The following CRYBG1 variants were observed in gnomAD, a reference collection of about 807,000 sequenced individuals.
The protein encoded by CRYBG1 is beta/gamma crystallin domain-containing protein 1.
CRYBG1 carries 139 observed loss-of-function variants against 189.2 expected under a neutral mutation model. That is an observed-to-expected ratio of 0.73 (90% CI 0.64 to 0.85). The LOEUF is 0.85. Among genes scored for constraint, CRYBG1 ranks in the 40% least tolerant of loss-of-function variants. The pLI, the probability that CRYBG1 is intolerant of heterozygous loss-of-function variation, is 0.00. For missense variants in CRYBG1, 2,611 were observed against 2,675.8 expected (o/e 0.98, Z 0.53); for synonymous variants, 1,023 against 1,017.1 (o/e 1.01, Z -0.11).
At chr6:106,495,222 G>A (rs1772818859) in intron 2 of CRYBG1, among the ~76,000 whole-genome samples, 1 of 152,152 alleles carries the variant, frequency 6.6e-6, no homozygotes, top group Admixed American at 6.5e-5. Context: ...AGCCGGCTCT[G>A]GCTCTGGGAG....
At chr6:106,500,620 C>G (rs1344894991) in intron 2 of CRYBG1, among the ~76,000 whole-genome samples, 2 of 152,112 alleles carry the variant, frequency 1.3e-5, no homozygotes, top group Non-Finnish European at 2.9e-5. Flanking sequence ...TAGATTTTCT[C>G]TTTACTCTTT....
Position 106,555,816 on chromosome 6 carries a change from G to C in CRYBG1, c.5634G>C (p.Leu1878Phe), listed in dbSNP as rs776446271. The C allele has an allele frequency of 6.2e-7, 1 of 1,614,186 alleles. No homozygotes were observed. The highest frequency in any genetic ancestry group is 2.2e-5 in the East Asian group (1 of 44,892). The change falls in exon 17 of 22, where the codon TTG (leucine) becomes TTC (phenylalanine). Residue 1878 changes from leucine (L) to phenylalanine (F), a missense_variant. Transcript: ENST00000633556. The part of the protein sequence containing the change: ...GENFTGNQYV[L>F]EEGHYPCLSA... ...ATTTCACTGGTAATCAATACGTGTT[G>C]GAAGAAGGCCATTATCCTTGTCTGT... is the stretch of plus-strand genomic sequence containing the variant.
At chr6:106,509,814 T>TC (rs1445206233) in intron 2 of CRYBG1, among the ~76,000 whole-genome samples, 2 of 151,694 alleles carry the variant, frequency 1.3e-5, no homozygotes, top group Non-Finnish European at 2.9e-5. Flanking sequence ...TGACCGCCTC[T>TC]CCCCCCCACC....
chr6:106,434,677 T>C (rs989494588), intron 1 of CRYBG1, among the ~76,000 whole-genome samples: 4 of 152,206 alleles, frequency 2.6e-5, no homozygotes, highest in African/African-American at 9.6e-5. Context: ...CTTTCTCCCA[T>C]TGTAGCAGTA....
chr6:106,482,636 G>C (rs577695887), intron 2 of CRYBG1, among the ~76,000 whole-genome samples: 19 of 152,176 alleles, frequency 1.2e-4, no homozygotes, highest in African/African-American at 4.6e-4. Context: ...TTAGCTGGGC[G>C]TGGTGGCGGG....
chr6:106,558,605 T>C lies in CRYBG1; in HGVS notation c.5835T>C (p.Ser1945=). The part of the protein sequence containing the change: ...RSLGFNTQIR[S]VQVIGGIWVT... Reference sequence around the variant, plus strand: ...TGGGATTCAACACACAAATACGCTCTGTTCAGGTTATTGGTGGCATGTGAG... The same window carrying C: ...TGGGATTCAACACACAAATACGCTCCGTTCAGGTTATTGGTGGCATGTGAG... Residue 1945 remains serine, a synonymous_variant, in exon 18 of 22, where the codon TCT becomes TCC. Transcript: ENST00000633556. The C allele has an allele frequency of 6.2e-7, 1 of 1,607,102 alleles. No homozygotes were observed. The highest frequency in any genetic ancestry group is 1.1e-5 in the South Asian group (1 of 89,256).
intron 2 of CRYBG1, among the ~76,000 whole-genome samples, chr6:106,482,139 TC>T (rs1217729271): frequency 6.6e-6 from 1 of 152,224 alleles, no homozygotes; most frequent in African/African-American, 2.4e-5. Flanking sequence ...GGGGTCCTCT[TC>T]CAACCTCACG....
At chr6:106,430,243 C>A (rs1330050718) in intron 1 of CRYBG1, among the ~76,000 whole-genome samples, 17 of 152,062 alleles carry the variant, frequency 1.1e-4, no homozygotes, top group Admixed American at 4.6e-4. Context: ...CCAGCCTAGG[C>A]AACGTAGCGA....
At position 106,570,037 on chromosome 6, in the gene CRYBG1, G is replaced by C. The variant is rs534439201; in HGVS notation, c.*1471G>C. 3 of 152,320 alleles carry C rather than the reference G, an allele frequency of 2.0e-5. No individual in the cohort carries two copies. Among genetic ancestry groups the C allele is most frequent in the African/African-American group, 7.2e-5 (3 of 41,580 alleles). The allele number at this position is 152,320 out of a possible 1,614,324, so 9.4% of individuals were successfully genotyped here. A position where few individuals can be genotyped will look rare whatever the true frequency, so the allele number is the denominator to read the frequency against. ...AAACAAACTGCTTAACAACTGACAA[G>C]ACACCAGCCCATACGCTGCTCTTCC... On this transcript the variant is annotated 3_prime_UTR_variant, in exon 22 of 22. Transcript: ENST00000633556.
chr6:106,415,007 C>CTT (rs200752522), intron 1 of CRYBG1, among the ~76,000 whole-genome samples: 1 of 151,996 alleles, frequency 6.6e-6, no homozygotes, highest in African/African-American at 2.4e-5. Flanking sequence ...AAATCCTCTT[C>CTT]TTTTTTTTCA....
intron 2 of CRYBG1, among the ~76,000 whole-genome samples, chr6:106,470,434 G>A (rs112907312): frequency 0.015 from 2,328 of 152,218 alleles, 45 homozygotes; most frequent in African/African-American, 0.053. Context: ...TTAGCCGGGC[G>A]TGATGGCGGG....
Position 106,544,802 on chromosome 6 carries a change from T to A in CRYBG1, c.5181T>A (p.Ala1727=), listed in dbSNP as rs775302932. The change falls in exon 13 of 22, where the codon GCT becomes GCA. Residue 1727 remains alanine (A), a synonymous_variant. Transcript: ENST00000633556. ...TTTCTCAATAGGATTTTTCAAATGC[T>A]CACATGATAATGTACAGTGAAAAAA... The part of the protein sequence containing the change: ...LRPILGDFSN[A]HMIMYSEKNF... 3 of 1,601,900 alleles carry A rather than the reference T, an allele frequency of 1.9e-6. No homozygotes were observed.
At position 106,512,293 on chromosome 6, in the gene CRYBG1, G is replaced by T; in HGVS notation, c.1176G>T (p.Glu392Asp). ...LSKTEGAQVD[E>D]PVVITPRAED... ...AGACTGAGGGGGCACAAGTGGACGA[G>T]CCGGTCGTGATTACTCCCAGAGCGG... The change falls in exon 3 of 22, where the codon GAG (glutamate) becomes GAT (aspartate). Residue 392 changes from glutamate to aspartate, a missense_variant. This residue lies in a region of CRYBG1 where 985 missense variants were observed against 924.4 expected (regional missense o/e 1.07). Transcript: ENST00000633556. 1 of 1,586,522 alleles carries T rather than the reference G, an allele frequency of 6.3e-7. No individual in the cohort carries two copies. Among genetic ancestry groups the T allele is most frequent in the South Asian group, 1.1e-5 (1 of 87,390 alleles).
rs571690975 is a variant in CRYBG1, at chr6:106,511,764, G to A, written c.647G>A (p.Ser216Asn). Residue 216 changes from serine to asparagine, a missense_variant, in exon 3 of 22, where the codon AGC (serine) becomes AAC (asparagine). Coordinates refer to ENST00000633556, the MANE Select transcript of CRYBG1 (RefSeq NM_001371242.2). ...GACGCCGAGCTGTCACCTCGCTGGA[G>A]CAGCAGTGCAGCGGCTGTGGCTGTG... is the stretch of plus-strand genomic sequence containing the variant. Reference protein sequence around the residue: ...PPDAELSPRWSSSAAAVAVQQ... With the variant: ...PPDAELSPRWNSSAAAVAVQQ... 1 of 1,535,184 alleles carries A rather than the reference G, an allele frequency of 6.5e-7. No homozygotes were observed. The highest frequency in any genetic ancestry group is 1.4e-5 in the African/African-American group (1 of 73,062).
chr6:106,541,279 C>G (rs1774123616), intron 9 of CRYBG1: 1 of 530,130 alleles, frequency 1.9e-6, no homozygotes, highest in African/African-American at 1.9e-5. Context: ...GCTCTTGGAA[C>G]TGCTTTTTCA....
intron 1 of CRYBG1, among the ~76,000 whole-genome samples, chr6:106,448,801 C>T (rs1355790376): frequency 6.6e-6 from 1 of 152,152 alleles, no homozygotes; most frequent in Non-Finnish European, 1.5e-5. Flanking sequence ...TAGTGTCCTT[C>T]AGGTCTCAGC....
intron 13 of CRYBG1, among the ~76,000 whole-genome samples, chr6:106,548,796 GGTTA>G (rs1480469019): frequency 1.3e-5 from 2 of 151,508 alleles, no homozygotes; most frequent in Admixed American, 6.6e-5. Context: ...ACAACGTGCA[GGTTA>G]GTTACATATG....
chr6:106,522,570 G>T (rs886595078), intron 4 of CRYBG1, among the ~76,000 whole-genome samples: 6 of 152,212 alleles, frequency 3.9e-5, no homozygotes, highest in Non-Finnish European at 8.8e-5. Flanking sequence ...AAAGGACTAT[G>T]AGAGAGGAAG....
chr6:106,564,597 G>A (rs1774822216), intron 21 of CRYBG1, among the ~76,000 whole-genome samples: 1 of 91,324 alleles, frequency 1.1e-5, no homozygotes, highest in Non-Finnish European at 2.9e-5. Flanking sequence ...GACTGAGTCT[G>A]TAGGTCTGGG....
Sources: allele counts gnomAD v4.1 joint callset (sites outside exome capture counted in the v4.1 genomes callset), GRCh38; gene constraint gnomAD v4.1.1; regional missense constraint gnomAD v4.1.1; transcripts MANE v1.5; gene names NCBI Gene and HGNC (gene_info 2026-07-23, HGNC 2026-07-21).